The following MGAT5 variants were observed in gnomAD, a reference collection of about 807,000 sequenced individuals.
MGAT5 encodes alpha-1,6-mannosylglycoprotein 6-beta-N-acetylglucosaminyltransferase A.
A neutral mutation model predicts 94.3 loss-of-function variants in MGAT5; 30 were observed. That is an observed-to-expected ratio of 0.32 (90% CI 0.24 to 0.43). The LOEUF (loss-of-function observed/expected upper bound fraction) is 0.43. Ranked by LOEUF, MGAT5 falls within the 20% of genes least tolerant of loss-of-function variation. The probability of loss-of-function intolerance (pLI) is 1.00; values close to 1 mark genes in which losing one functional copy is unlikely to be tolerated. For missense variants in MGAT5, 691 were observed against 905.5 expected, an observed-to-expected ratio of 0.76 and a Z score of 3.04; for synonymous variants, 310 against 322.9, an observed-to-expected ratio of 0.96 and a Z score of 0.43.
At chr2:134,120,541 C>G (rs898725164) in intron 1 of MGAT5, among the ~76,000 whole-genome samples, 1 of 151,880 alleles carries the variant, frequency 6.6e-6, no homozygotes, top group African/African-American at 2.4e-5. Flanking sequence ...CCACCTGCCC[C>G]GGGCAGCCCC....
chr2:134,139,319 T>C (rs1460262866), intron 1 of MGAT5, among the ~76,000 whole-genome samples: 3 of 152,228 alleles, frequency 2.0e-5, no homozygotes, highest in African/African-American at 4.8e-5. Context: ...AGATCCAGAA[T>C]GGTAGATGAA....
chr2:134,161,163 T>C (rs1519307), intron 1 of MGAT5, among the ~76,000 whole-genome samples: 63,986 of 152,046 alleles, frequency 0.42, 17,214 homozygotes, highest in African/African-American at 0.76. Context: ...AGGACAGACG[T>C]TGTCACCATG....
chr2:134,229,120 C>T (rs1402638069), intron 1 of MGAT5, among the ~76,000 whole-genome samples: 2 of 152,108 alleles, frequency 1.3e-5, no homozygotes, highest in Non-Finnish European at 2.9e-5. Context: ...GCTCATTGAA[C>T]CCTAACTGAT....
chr2:134,336,015 T>G (rs1688312719), intron 4 of MGAT5, among the ~76,000 whole-genome samples: 1 of 152,182 alleles, frequency 6.6e-6, no homozygotes, highest in African/African-American at 2.4e-5. Flanking sequence ...CTCTTCCTTC[T>G]GACCTTTGCT....
chr2:134,282,146 C>T (rs1269062015), intron 2 of MGAT5, among the ~76,000 whole-genome samples: 1 of 152,220 alleles, frequency 6.6e-6, no homozygotes, highest in Non-Finnish European at 1.5e-5. Context: ...AAACTGCCTT[C>T]CCTGTACTGC....
Position 134,189,602 on chromosome 2 carries a change from G to GTTGTTTTTTTTTTTTTTTTTTTTT in MGAT5, c.-142-64658_-142-64657insGTTTTTTTTTTTTTTTTTTTTTTT, listed in dbSNP as rs1689232395. Among the ~76,000 whole-genome samples the GTTGTTTTTTTTTTTTTTTTTTTTT allele has an allele frequency of 3.3e-4, 28 of 84,646 alleles. 2 individuals are homozygous for GTTGTTTTTTTTTTTTTTTTTTTTT. Among genetic ancestry groups the GTTGTTTTTTTTTTTTTTTTTTTTT allele is most frequent in the African/African-American group, 1.2e-3 (26 of 20,990 alleles). 55.5% of individuals were successfully genotyped at this position (84,646 alleles called of 152,430 possible). On this transcript the variant is annotated intron_variant, in intron 1 of 16. Coordinates refer to the MGAT5 transcript ENST00000409645. ...AACCTCATGGCTCTAGTTTTTTTTTGTTTTTTTTTTTTTTTTTTAAGACAG... is the reference window on the plus strand; with the variant it reads ...AACCTCATGGCTCTAGTTTTTTTTTGTTGTTTTTTTTTTTTTTTTTTTTTTTTTTTTTTTTTTTTTTTAAGACAG...
intron 4 of MGAT5, among the ~76,000 whole-genome samples, chr2:134,328,223 C>G (rs1464972196): frequency 1.3e-5 from 2 of 151,942 alleles, no homozygotes; most frequent in Non-Finnish European, 2.9e-5. Flanking sequence ...AATTCTGCAC[C>G]CCCCCTCACC....
intron 2 of MGAT5, among the ~76,000 whole-genome samples, chr2:134,279,819 C>T (rs1684587203): frequency 6.6e-6 from 1 of 152,196 alleles, no homozygotes; most frequent in South Asian, 2.1e-4. Context: ...AATAGACATT[C>T]CACAGCTACA....
intron 1 of MGAT5, among the ~76,000 whole-genome samples, chr2:134,145,537 C>T (rs1449652516): frequency 6.6e-6 from 1 of 152,130 alleles, no homozygotes; most frequent in Non-Finnish European, 1.5e-5. Context: ...CAGAGCGAGA[C>T]TCCGTCTCAA....
chr2:134,426,605 G>A (rs1397252641), intron 13 of MGAT5, among the ~76,000 whole-genome samples: 2 of 152,134 alleles, frequency 1.3e-5, no homozygotes, highest in Admixed American at 1.3e-4. Context: ...GATATGCCAT[G>A]TTCTTTGTTT....
chr2:134,414,811 G>A (rs1373256482), intron 12 of MGAT5, among the ~76,000 whole-genome samples: 1 of 152,176 alleles, frequency 6.6e-6, no homozygotes, highest in African/African-American at 2.4e-5. Context: ...TGCTCTGCGA[G>A]TTCAACCATT....
In MGAT5 at chr2:134,332,840, A is replaced by G. The variant is rs1435424299; in HGVS notation, c.574-3377A>G. On this transcript the variant is annotated intron_variant, in intron 4 of 15. Transcript: ENST00000281923. ...CCAAAAAACACATGAAAAAATGCTC[A>G]CCATCACTGGCCATCAGAGAAATGC... is the stretch of plus-strand genomic sequence containing the variant. 2.6e-5 allele frequency among the ~76,000 whole-genome samples: 4 copies of G among 152,316 alleles called. No homozygotes were observed. In the South Asian group the frequency reaches 6.2e-4, roughly 24 times the overall value.
chr2:134,240,677 G>A (rs996679718), intron 1 of MGAT5, among the ~76,000 whole-genome samples: 4 of 152,150 alleles, frequency 2.6e-5, no homozygotes, highest in East Asian at 3.8e-4. Flanking sequence ...TTTTCCTCAT[G>A]CTATTTTCCC....
At chr2:134,420,589 G>A (rs1684239856) in intron 12 of MGAT5, among the ~76,000 whole-genome samples, 1 of 152,102 alleles carries the variant, frequency 6.6e-6, no homozygotes, top group South Asian at 2.1e-4. Flanking sequence ...ACGGAGGGGT[G>A]CCAGTTAATT....
In MGAT5 at chr2:134,378,244, G is replaced by A. The variant is rs139862947; in HGVS notation, c.1380+15836G>A. Reference sequence around the variant, plus strand: ...TCTTCTACAGCATCAGGATCCTGCCGCCCCAGCACTAGAAGTGGGGAGGTG... The same window carrying A: ...TCTTCTACAGCATCAGGATCCTGCCACCCCAGCACTAGAAGTGGGGAGGTG... On this transcript the variant is annotated intron_variant, in intron 10 of 15. Coordinates refer to ENST00000281923, the MANE Select transcript of MGAT5 (RefSeq NM_002410.5). Among the ~76,000 whole-genome samples, 412 of 152,252 alleles carry A rather than the reference G, an allele frequency of 2.7e-3. 1 individual carries two copies. The highest frequency in any genetic ancestry group is 4.8e-3 in the South Asian group (23 of 4,820).
chr2:134,181,351 C>T (rs1025041371), intron 1 of MGAT5, among the ~76,000 whole-genome samples: 3 of 152,154 alleles, frequency 2.0e-5, no homozygotes, highest in African/African-American at 4.8e-5. Flanking sequence ...TCATGTAAAC[C>T]GGAAGGGCTT....
At chr2:134,176,461 A>T (rs1688469005) in intron 1 of MGAT5, among the ~76,000 whole-genome samples, 1 of 150,968 alleles carries the variant, frequency 6.6e-6, no homozygotes, top group Admixed American at 6.6e-5. Context: ...AATTCTAGCT[A>T]CTCAGGGAGG....
rs1213120170 is a variant in MGAT5 at position 134,454,403 on chromosome 2, G to GTCTT, written c.*5558_*5561dup. 3.9e-5 allele frequency: 6 copies of GTCTT among 152,166 alleles called. No homozygotes were observed. The highest frequency in any genetic ancestry group is 2.0e-4 in the Admixed American group (3 of 15,276). 9.4% of individuals were successfully genotyped at this position (152,166 alleles called of 1,614,324 possible). A position where few individuals can be genotyped will look rare whatever the true frequency, so the allele number is the denominator to read the frequency against. On this transcript the variant is annotated 3_prime_UTR_variant, in exon 16 of 16. Coordinates refer to ENST00000281923, the MANE Select transcript of MGAT5 (RefSeq NM_002410.5). ...CTGTAGTTGCTGTCACAACCTTGAC[G>GTCTT]TCTTTAAGCTAATGGCCGTTTGCAT...
At chr2:134,388,094 T>A (rs1682143511) in intron 10 of MGAT5, among the ~76,000 whole-genome samples, 1 of 152,102 alleles carries the variant, frequency 6.6e-6, no homozygotes, top group Non-Finnish European at 1.5e-5. Context: ...ACATGGAAGG[T>A]CCCTAAAGCT....
Sources: gnomAD v4.1 joint callset for allele counts (sites outside exome capture counted in the v4.1 genomes callset) on GRCh38, gnomAD v4.1.1 for gene constraint, MANE v1.5 for transcripts, NCBI Gene and HGNC (gene_info 2026-07-23, HGNC 2026-07-21) for gene names.